EML6: variants seen among roughly 807,000 people sequenced by gnomAD.
EML6 encodes the protein EMAP like 6, also known as echinoderm microtubule-associated protein-like 6.
Under a neutral mutation model 240.1 loss-of-function variants are expected in EML6, and 154 were observed. The observed-to-expected ratio is 0.64, with a 90% CI of 0.56 to 0.73. EML6 has a LOEUF of 0.73. Among genes scored for constraint, EML6 ranks in the 30% least tolerant of loss-of-function variants. The probability of loss-of-function intolerance (pLI) is 0.00; values close to 1 mark genes in which losing one functional copy is unlikely to be tolerated. For missense variants in EML6, 2,964 were observed against 2,474.6 expected, an observed-to-expected ratio of 1.20 and a Z score of -4.20; for synonymous variants, 1,148 against 899.0, an observed-to-expected ratio of 1.28 and a Z score of -4.95.
chr2:54,882,919 C>T (rs754244672), intron 17 of EML6: 2 of 145,752 alleles, frequency 1.4e-5, no homozygotes, highest in East Asian at 4.1e-4. Context: ...GCAGGCGTAT[C>T]GAACTTCCAA....
At chr2:54,908,632 C>T (rs1411735291) in intron 24 of EML6, among the ~76,000 whole-genome samples, 1 of 152,186 alleles carries the variant, frequency 6.6e-6, no homozygotes, top group Non-Finnish European at 1.5e-5. Context: ...GCATCCACTG[C>T]TCTTCTGGGT....
chr2:54,904,985 C>G (rs551984272), intron 24 of EML6, among the ~76,000 whole-genome samples: 1 of 152,222 alleles, frequency 6.6e-6, no homozygotes, highest in South Asian at 2.1e-4. Flanking sequence ...GAGTTTTATA[C>G]GGTGCAGTAG....
chr2:54,788,534 C>A (rs544446586), intron 2 of EML6, among the ~76,000 whole-genome samples: 25 of 152,322 alleles, frequency 1.6e-4, no homozygotes, highest in Admixed American at 7.8e-4. Context: ...CCCGCCCCAG[C>A]AGGTCTAGAA....
chr2:54,864,029 T>A, intron 13 of EML6, 140 bp downstream of exon 13: 1 of 558,186 alleles, frequency 1.8e-6, no homozygotes, highest in Non-Finnish European at 3.1e-6. Flanking sequence ...ACTTTGTGCC[T>A]TTAAGTGCAG....
intron 13 of EML6, among the ~76,000 whole-genome samples, chr2:54,864,755 A>G (rs563234688): frequency 6.6e-5 from 10 of 152,346 alleles, no homozygotes; most frequent in East Asian, 3.9e-4. Context: ...TAGGATAACA[A>G]TGCTTACCTA....
rs186708257 is a variant in EML6 at position 54,941,876 on chromosome 2, G to A, written c.4005-7006G>A. Among the ~76,000 whole-genome samples the A allele has an allele frequency of 1.6e-3, 249 of 152,338 alleles. 2 individuals are homozygous for A. The highest frequency in any genetic ancestry group is 3.5e-3 in the Admixed American group (53 of 15,306). On this transcript the variant is annotated intron_variant, in intron 28 of 41. Transcript: ENST00000356458. Reference sequence around the variant, plus strand: ...AGAGTTCTGCCCGCATAGCTGCAGCGAGCAGGTAGAAATGCAAGACTCCTG... The same window carrying A: ...AGAGTTCTGCCCGCATAGCTGCAGCAAGCAGGTAGAAATGCAAGACTCCTG...
rs766069366 is a variant in EML6 at position 54,844,129 on chromosome 2, G to A, written c.930G>A (p.Val310=). Residue 310 remains valine, a synonymous_variant, in exon 8 of 42, where the codon GTG becomes GTA. Transcript: ENST00000356458. ...ACAGTGAGATATTTGAAGTGATTGT[G>A]CGAGAGCGAGACAAGCCGATGTTGA... ...TQDSEIFEVI[V]RERDKPMLIL... The A allele has an allele frequency of 6.4e-7, 1 of 1,551,658 alleles. No individual in the cohort carries two copies. The highest frequency in any genetic ancestry group is 8.7e-7 in the Non-Finnish European group (1 of 1,146,980).
At chr2:54,735,424 ATACT>A (rs1332502452) in intron 2 of EML6, among the ~76,000 whole-genome samples, 1 of 152,238 alleles carries the variant, frequency 6.6e-6, no homozygotes, top group Non-Finnish European at 1.5e-5. Context: ...CATTTTATAC[ATACT>A]TCGTGAAGAT....
chr2:54,928,547 C>CCGAATGCACCT, intron 27 of EML6, 33 bp downstream of exon 27: 1 of 1,548,566 alleles, frequency 6.5e-7, no homozygotes, highest in Non-Finnish European at 8.7e-7. Flanking sequence ...GCCTCCTGCG[C>CCGAATGCACCT]CGAATGCACC....
intron 12 of EML6, among the ~76,000 whole-genome samples, chr2:54,862,358 A>AAG (rs1171245042): frequency 6.6e-6 from 1 of 150,970 alleles, no homozygotes; most frequent in African/African-American, 2.4e-5. Context: ...AAAAAAAAAA[A>AAG]AAAAAAACTT....
chr2:54,823,870 C>A (rs911810286), intron 5 of EML6, among the ~76,000 whole-genome samples: 1 of 146,496 alleles, frequency 6.8e-6, no homozygotes, highest in African/African-American at 2.6e-5. Context: ...CTCTCTCTCT[C>A]TCTCTCTTTC....
intron 7 of EML6, among the ~76,000 whole-genome samples, chr2:54,842,571 C>G (rs74540948): frequency 0.13 from 19,963 of 152,228 alleles, 1,471 homozygotes; most frequent in East Asian, 0.33. Flanking sequence ...CTGATACTTT[C>G]TATCCCAGAG....
chr2:54,751,194 T>G (rs75578424), intron 2 of EML6, among the ~76,000 whole-genome samples: 1 of 152,302 alleles, frequency 6.6e-6, no homozygotes, highest in East Asian at 1.9e-4. Context: ...GACAATTTAC[T>G]TGGGCAAAGG....
At chr2:54,789,532 A>AAG (rs1669302715) in intron 2 of EML6, among the ~76,000 whole-genome samples, 1 of 143,344 alleles carries the variant, frequency 7.0e-6, no homozygotes, top group Non-Finnish European at 1.5e-5. Context: ...AAAAAAAAAA[A>AAG]AAAAAAAAAA....
At chr2:54,883,629 G>A (rs368693992) in intron 17 of EML6, among the ~76,000 whole-genome samples, 6 of 152,174 alleles carry the variant, frequency 3.9e-5, no homozygotes, top group Non-Finnish European at 7.3e-5. Flanking sequence ...GAATCATCCA[G>A]TGTTAGGACA....
In EML6 at chr2:54,866,905, G is replaced by A. The variant is rs562232209; in HGVS notation, c.2051+21G>A. 150 of 1,387,884 alleles carry A rather than the reference G, an allele frequency of 1.1e-4. 1 individual carries two copies. Among genetic ancestry groups the A allele is most frequent in the African/African-American group, 7.5e-4 (52 of 69,752 alleles). 86.0% of individuals were successfully genotyped at this position (1,387,884 alleles called of 1,614,324 possible). On this transcript the variant is annotated intron_variant, in intron 14 of 41. Coordinates refer to ENST00000356458, the MANE Select transcript of EML6 (RefSeq NM_001039753.4). ...CACGGGTGGGTGGCCTGTCATGGGC[G>A]CCCGTATGTGTTCCTCTGTCTCTGC...
At chr2:54,891,724 C>G (rs1672477460) in intron 18 of EML6, among the ~76,000 whole-genome samples, 1 of 152,164 alleles carries the variant, frequency 6.6e-6, no homozygotes, top group Non-Finnish European at 1.5e-5. Flanking sequence ...CAAGCCCTAA[C>G]TTATTATGCA....
At chr2:54,890,670 C>T (rs145924157) in intron 17 of EML6, among the ~76,000 whole-genome samples, 1 of 152,190 alleles carries the variant, frequency 6.6e-6, no homozygotes, top group Admixed American at 6.5e-5. Context: ...TACTCTCTTT[C>T]CTCCTGCACA....
chr2:54,921,610 C>T (rs1674258132), intron 26 of EML6, among the ~76,000 whole-genome samples: 1 of 151,918 alleles, frequency 6.6e-6, no homozygotes, highest in Admixed American at 6.6e-5. Flanking sequence ...CACAAAAAAC[C>T]TGAATAGCCA....
Sources: gnomAD v4.1 joint callset for allele counts (sites outside exome capture counted in the v4.1 genomes callset) on GRCh38, gnomAD v4.1.1 for gene constraint, MANE v1.5 for transcripts, NCBI Gene and HGNC (gene_info 2026-07-23, HGNC 2026-07-21) for gene names.